EFCAB11: variants seen among roughly 807,000 people sequenced by gnomAD.
The protein encoded by EFCAB11 is EF-hand calcium binding domain 11, also known as EF-hand calcium-binding domain-containing protein 11.
EFCAB11 carries 14 observed loss-of-function variants against 23.0 expected under a neutral mutation model. That is an observed-to-expected ratio of 0.61 (90% CI 0.40 to 0.95). The LOEUF is 0.95. EFCAB11 is among the 40% of genes least tolerant of loss of function. The pLI is 0.00. For missense variants in EFCAB11, 198 were observed against 195.8 expected (o/e 1.01, Z -0.07); for synonymous variants, 65 against 66.6 (o/e 0.98, Z 0.11).
chr14:89,826,252 G>C (rs1243501676), intron 5 of EFCAB11, among the ~76,000 whole-genome samples: 1 of 152,102 alleles, frequency 6.6e-6, no homozygotes, highest in Non-Finnish European at 1.5e-5. Context: ...TTTACTAGAG[G>C]AAAGGGTTGA....
chr14:89,943,961 A>G (rs996794866), intron 3 of EFCAB11, among the ~76,000 whole-genome samples: 3 of 152,224 alleles, frequency 2.0e-5, no homozygotes, highest in South Asian at 2.1e-4. Flanking sequence ...GAAAGAAAAC[A>G]TTCAGTGTGA....
At chr14:89,837,091 T>A (rs12437204) in intron 5 of EFCAB11, 333,748 of 456,126 alleles carry the variant, frequency 0.73, 126,310 homozygotes, top group Non-Finnish European at 0.83. Flanking sequence ...AGGAGGGGTT[T>A]TTAGACTTCT....
intron 5 of EFCAB11, among the ~76,000 whole-genome samples, chr14:89,850,780 A>C (rs1281946422): frequency 6.6e-6 from 1 of 152,250 alleles, no homozygotes; most frequent in Admixed American, 6.5e-5. Flanking sequence ...ACCTCTAAAA[A>C]GGGAAAAGAG....
chr14:89,949,341 T>C (rs1891084649), intron 3 of EFCAB11, among the ~76,000 whole-genome samples: 1 of 152,176 alleles, frequency 6.6e-6, no homozygotes, highest in Non-Finnish European at 1.5e-5. Flanking sequence ...AAGATGTGCT[T>C]AAATATAATG....
intron 5 of EFCAB11, among the ~76,000 whole-genome samples, chr14:89,800,666 T>C (rs1596370940): frequency 1.3e-5 from 2 of 152,132 alleles, no homozygotes; most frequent in East Asian, 1.9e-4. Context: ...GTAGGCCCAA[T>C]GAAATTAAAG....
intron 5 of EFCAB11, among the ~76,000 whole-genome samples, chr14:89,809,460 T>G (rs2140086804): frequency 6.6e-6 from 1 of 152,316 alleles, no homozygotes; most frequent in Non-Finnish European, 1.5e-5. Flanking sequence ...GCCACATCAT[T>G]GATTACGGAG....
At chr14:89,919,046 T>C (rs1889939014) in intron 5 of EFCAB11, among the ~76,000 whole-genome samples, 1 of 151,746 alleles carries the variant, frequency 6.6e-6, no homozygotes, top group Admixed American at 6.6e-5. Context: ...CCAAACACTT[T>C]GGTCACATAG....
chr14:89,912,711 T>C (rs184086191), intron 5 of EFCAB11, among the ~76,000 whole-genome samples: 3 of 152,324 alleles, frequency 2.0e-5, no homozygotes, highest in East Asian at 3.9e-4. Context: ...CTTGTGTGCA[T>C]GATTAATTGT....
chr14:89,886,021 T>A (rs113862069), intron 5 of EFCAB11, among the ~76,000 whole-genome samples: 23 of 151,724 alleles, frequency 1.5e-4, no homozygotes, highest in Non-Finnish European at 2.9e-4. Context: ...GATTACAAAG[T>A]TATATAATAA....
Position 89,886,081 on chromosome 14 carries a change from A to G in EFCAB11, c.410+45460T>C, listed in dbSNP as rs1297073620. Among the ~76,000 whole-genome samples the G allele has an allele frequency of 2.0e-5, 3 of 152,216 alleles. No individual in the cohort carries two copies. In the East Asian group the frequency reaches 5.8e-4, roughly 29 times the overall value. ...ATAGACAAACAGACCAATGCAACAT[A>G]ACAGAGAGTCAAGGGAAGAGTTAAT... On this transcript the variant is annotated intron_variant, in intron 5 of 5. Transcript: ENST00000316738.
intron 5 of EFCAB11, among the ~76,000 whole-genome samples, chr14:89,909,747 C>T (rs1360268965): frequency 2.0e-5 from 3 of 152,130 alleles, no homozygotes; most frequent in African/African-American, 7.2e-5. Flanking sequence ...TCCACCCACC[C>T]ACTGAAAAAA....
intron 5 of EFCAB11, among the ~76,000 whole-genome samples, chr14:89,927,593 T>C (rs1273624336): frequency 1.3e-5 from 2 of 152,248 alleles, no homozygotes; most frequent in African/African-American, 2.4e-5. Context: ...TTTTTTATTA[T>C]TGAAAATTGT....
In EFCAB11 at chr14:89,954,573, T is replaced by C. The variant is rs1195068930; in HGVS notation, c.75+13A>G. On this transcript the variant is annotated intron_variant, in intron 1 of 5. Transcript: ENST00000316738. ...GCTGAAGTCCGAGGCTCAGTCGCCCTCCGGAAACCTACTTCCACCCACTTC... is the reference window on the plus strand; with the variant it reads ...GCTGAAGTCCGAGGCTCAGTCGCCCCCCGGAAACCTACTTCCACCCACTTC... 9 of 1,613,150 alleles carry C rather than the reference T, an allele frequency of 5.6e-6. No homozygotes were observed. Among genetic ancestry groups the C allele is most frequent in the Non-Finnish European group, 7.6e-6 (9 of 1,179,764 alleles).
At chr14:89,954,776 G>A (rs1273954172), upstream of EFCAB11, 32 of 1,443,278 alleles carry the variant, frequency 2.2e-5, no homozygotes, top group East Asian at 6.7e-4. Context: ...ACTTCACCGC[G>A]CAACTCCGAC....
At chr14:89,838,871 A>T (rs1291237368) in intron 5 of EFCAB11, among the ~76,000 whole-genome samples, 1 of 152,268 alleles carries the variant, frequency 6.6e-6, no homozygotes, top group Admixed American at 6.5e-5. Context: ...GTTTCCTGGT[A>T]ATGATCCAGG....
intron 5 of EFCAB11, among the ~76,000 whole-genome samples, chr14:89,801,004 C>T (rs1885758948): frequency 6.8e-6 from 1 of 147,338 alleles, no homozygotes; most frequent in Non-Finnish European, 1.5e-5. Flanking sequence ...GTTCACACTC[C>T]AGCCTGGGTG....
At chr14:89,827,681 T>C (rs1326181417) in intron 5 of EFCAB11, among the ~76,000 whole-genome samples, 1 of 146,198 alleles carries the variant, frequency 6.8e-6, no homozygotes, top group Non-Finnish European at 1.5e-5. Context: ...TCGCCCAGGC[T>C]GGAGCGCAAT....
chr14:89,855,240 C>T (rs1887715411), intron 5 of EFCAB11, among the ~76,000 whole-genome samples: 1 of 151,604 alleles, frequency 6.6e-6, no homozygotes, highest in Non-Finnish European at 1.5e-5. Context: ...CTTTGGGAGG[C>T]AGAGGCAGGA....
intron 5 of EFCAB11, among the ~76,000 whole-genome samples, chr14:89,807,244 T>A (rs1183653314): frequency 6.6e-6 from 1 of 152,224 alleles, no homozygotes; most frequent in Admixed American, 6.5e-5. Flanking sequence ...AAGAAAATTA[T>A]GTTTTCAATA....
Sources: allele counts gnomAD v4.1 joint callset (sites outside exome capture counted in the v4.1 genomes callset), GRCh38; gene constraint gnomAD v4.1.1; transcripts MANE v1.5; gene names NCBI Gene and HGNC (gene_info 2026-07-23, HGNC 2026-07-21).